UQCC1: variants seen among roughly 807,000 people sequenced by gnomAD.
UQCC1 encodes bFGF-repressed Zic-binding protein.
UQCC1 carries 38 observed loss-of-function variants against 48.0 expected under a neutral mutation model. That is an observed-to-expected ratio of 0.79 (90% confidence interval 0.61 to 1.04). UQCC1 has a LOEUF of 1.04. Among genes scored for constraint, UQCC1 ranks in the 50% least tolerant of loss-of-function variants. The probability of loss-of-function intolerance (pLI) is 0.00; values close to 1 mark genes in which losing one functional copy is unlikely to be tolerated. For synonymous variants in UQCC1, 111 were observed against 129.2 expected (o/e 0.86, Z 0.95); for missense variants, 368 against 381.8 (o/e 0.96, Z 0.30).
intron 3 of UQCC1, among the ~76,000 whole-genome samples, chr20:35,383,298 TTA>T (rs1386338947): frequency 6.6e-6 from 1 of 152,194 alleles, no homozygotes; most frequent in Non-Finnish European, 1.5e-5. Flanking sequence ...TATCCAAAAG[TTA>T]AATATCACTT....
At chr20:35,334,104 C>T (rs1224693746) in intron 7 of UQCC1, among the ~76,000 whole-genome samples, 2 of 152,132 alleles carry the variant, frequency 1.3e-5, no homozygotes, top group Admixed American at 6.6e-5. Context: ...ACCCTTAGAG[C>T]GACAAGAAGG....
chr20:35,305,667 C>T (rs1055347557), intron 9 of UQCC1, among the ~76,000 whole-genome samples: 68 of 152,230 alleles, frequency 4.5e-4, no homozygotes, highest in African/African-American at 1.6e-3. Context: ...TGCAGAGCCC[C>T]AGTATGTGGT....
At chr20:35,372,773 G>A (rs1188352772) in intron 5 of UQCC1, among the ~76,000 whole-genome samples, 1 of 152,144 alleles carries the variant, frequency 6.6e-6, no homozygotes, top group Non-Finnish European at 1.5e-5. Context: ...GGAGGCTGAG[G>A]AACAAGAATC....
chr20:35,382,500 T>C (rs2061884473), intron 3 of UQCC1, among the ~76,000 whole-genome samples: 1 of 145,868 alleles, frequency 6.9e-6, no homozygotes, highest in South Asian at 2.1e-4. Context: ...TTTTCTTTTT[T>C]TTTTCTTTTT....
intron 1 of UQCC1, among the ~76,000 whole-genome samples, chr20:35,404,510 A>C (rs1042552756): frequency 2.0e-5 from 3 of 152,162 alleles, no homozygotes; most frequent in African/African-American, 7.2e-5. Flanking sequence ...AGTGCACTCC[A>C]GCCTGGGTGA....
At chr20:35,388,308 T>TTTTTTTTTTTTGGG (rs67663221) in intron 2 of UQCC1, among the ~76,000 whole-genome samples, 1 of 121,250 alleles carries the variant, frequency 8.2e-6, no homozygotes, top group Non-Finnish European at 1.7e-5. Flanking sequence ...TCTTTTTTTT[T>TTTTTTTTTTTTGGG]GAGACAGGGT....
At chr20:35,343,330 A>G (rs1050975750) in intron 7 of UQCC1, among the ~76,000 whole-genome samples, 1 of 152,166 alleles carries the variant, frequency 6.6e-6, no homozygotes, top group African/African-American at 2.4e-5. Flanking sequence ...AAACTGAAGC[A>G]CAGAAGAGGA....
intron 7 of UQCC1, among the ~76,000 whole-genome samples, chr20:35,342,051 C>T (rs927628150): frequency 4.6e-5 from 7 of 152,184 alleles, no homozygotes. Flanking sequence ...GTTCAGCCCA[C>T]AGTTCCTCCA....
chr20:35,339,218 T>A (rs2061351180), intron 7 of UQCC1, among the ~76,000 whole-genome samples: 1 of 152,114 alleles, frequency 6.6e-6, no homozygotes, highest in Non-Finnish European at 1.5e-5. Context: ...AGTATTTATG[T>A]TCATCCAACA....
At chr20:35,372,648 G>A (rs115595481) in intron 5 of UQCC1, among the ~76,000 whole-genome samples, 1,956 of 152,234 alleles carry the variant, frequency 0.013, 44 homozygotes, top group African/African-American at 0.045. Context: ...GGTGGATCAT[G>A]TGAGGCCAAG....
At chr20:35,367,998 T>A (rs1388799797) in intron 5 of UQCC1, among the ~76,000 whole-genome samples, 1 of 151,870 alleles carries the variant, frequency 6.6e-6, no homozygotes, top group Admixed American at 6.6e-5. Context: ...GGATGAGGGG[T>A]CTCCCACTGA....
At chr20:35,390,046 T>C (rs527247589) in intron 2 of UQCC1, among the ~76,000 whole-genome samples, 1 of 152,320 alleles carries the variant, frequency 6.6e-6, no homozygotes, top group East Asian at 1.9e-4. Context: ...GAGGACATTA[T>C]GCTAAGTGAA....
At chr20:35,306,242 C>A (rs1350930436) in intron 9 of UQCC1, among the ~76,000 whole-genome samples, 1 of 152,134 alleles carries the variant, frequency 6.6e-6, no homozygotes, top group Non-Finnish European at 1.5e-5. Context: ...CTGCCTGCTG[C>A]CCAGTTTTGC....
At chr20:35,316,103 T>G (rs1023961844) in intron 7 of UQCC1, among the ~76,000 whole-genome samples, 3 of 152,078 alleles carry the variant, frequency 2.0e-5, no homozygotes, top group African/African-American at 7.2e-5. Context: ...CTCTTCAGGA[T>G]CCCAGCAGAA....
chr20:35,304,126 C>T (rs1353209207), intron 9 of UQCC1, 57 bp from the exon 10 acceptor site: 6 of 1,607,030 alleles, frequency 3.7e-6, no homozygotes, highest in Admixed American at 1.7e-5. Context: ...AGGTGAGGAG[C>T]CAGCGTCAGG....
At chr20:35,340,333 C>A (rs1301384004) in intron 7 of UQCC1, among the ~76,000 whole-genome samples, 1 of 152,182 alleles carries the variant, frequency 6.6e-6, no homozygotes, top group African/African-American at 2.4e-5. Context: ...AAGCCAATCC[C>A]AAAATGGAAT....
At chr20:35,371,216 A>G (rs1200785887) in intron 5 of UQCC1, among the ~76,000 whole-genome samples, 1 of 152,238 alleles carries the variant, frequency 6.6e-6, no homozygotes, top group South Asian at 2.1e-4. Flanking sequence ...TCAATAATGA[A>G]CAGCTGGCCA....
chr20:35,377,933 G>A (rs2061821899), intron 4 of UQCC1, among the ~76,000 whole-genome samples: 2 of 152,168 alleles, frequency 1.3e-5, no homozygotes, highest in African/African-American at 2.4e-5. Flanking sequence ...CACTTTTCCT[G>A]CTGCAAGGCC....
chr20:35,320,466 T>A (rs920986138), intron 7 of UQCC1, among the ~76,000 whole-genome samples: 1 of 152,064 alleles, frequency 6.6e-6, no homozygotes, highest in African/African-American at 2.4e-5. Flanking sequence ...TGTGTTGGAA[T>A]AGACACTGGA....
Sources: allele counts gnomAD v4.1 joint callset (sites outside exome capture counted in the v4.1 genomes callset), GRCh38; gene constraint gnomAD v4.1.1; transcripts MANE v1.5; gene names NCBI Gene and HGNC (gene_info 2026-07-23, HGNC 2026-07-21).